The following FAP variants were observed in gnomAD, a reference collection of about 807,000 sequenced individuals.
FAP encodes the protein fibroblast activation protein alpha, also known as prolyl endopeptidase FAP.
A neutral mutation model predicts 126.5 loss-of-function variants in FAP; 110 were observed. That is an observed-to-expected ratio of 0.87 (90% CI 0.74 to 1.02). The LOEUF is 1.02. Ranked by LOEUF, FAP falls within the 50% of genes least tolerant of loss-of-function variation. FAP has a pLI of 0.00. For missense variants in FAP, 919 were observed against 909.2 expected (o/e 1.01, Z -0.14); for synonymous variants, 334 against 297.3 (o/e 1.12, Z -1.27).
intron 2 of FAP, among the ~76,000 whole-genome samples, chr2:162,230,468 T>C (rs1161338489): frequency 6.6e-6 from 1 of 152,064 alleles, no homozygotes; most frequent in African/African-American, 2.4e-5. Context: ...CTCACTATTA[T>C]ACGTTCAGCT....
At chr2:162,222,147 G>A (rs746735314) in intron 6 of FAP, among the ~76,000 whole-genome samples, 5 of 152,092 alleles carry the variant, frequency 3.3e-5, no homozygotes, top group Non-Finnish European at 5.9e-5. Context: ...TCAATTTGGC[G>A]AGCCTCACAA....
At position 162,201,594 on chromosome 2, in the gene FAP, C is replaced by G. The variant is rs367668222; in HGVS notation, c.1224-975G>C. Reference sequence around the variant, plus strand: ...TCCCTGATTGTCTCCCTCTCTAACCCTTGCAGCCAGGTCCAGTTTGTCTCT... The same window carrying G: ...TCCCTGATTGTCTCCCTCTCTAACCGTTGCAGCCAGGTCCAGTTTGTCTCT... On this transcript the variant is annotated intron_variant, in intron 14 of 25. Coordinates refer to ENST00000188790, the MANE Select transcript of FAP (RefSeq NM_004460.5). Among the ~76,000 whole-genome samples the G allele has an allele frequency of 1.6e-4, 25 of 152,244 alleles. No homozygotes were observed. In the East Asian group the frequency reaches 4.8e-3, roughly 29 times the overall value.
At chr2:162,173,115 A>G in intron 24 of FAP, 34 bp downstream of exon 24, 1 of 1,574,954 alleles carries the variant, frequency 6.3e-7, no homozygotes, top group Non-Finnish European at 8.7e-7. Flanking sequence ...CTGGCTCAGT[A>G]TTTTTATGTG....
At chr2:162,172,706 C>G (rs765477132) in intron 25 of FAP, 105 bp downstream of exon 25, 8 of 738,292 alleles carry the variant, frequency 1.1e-5, no homozygotes, top group African/African-American at 1.8e-5. Flanking sequence ...CCTGCAGCCT[C>G]TTTGTCAGAT....
Position 162,201,763 on chromosome 2 carries a change from C to T in FAP, c.1223+1109G>A, listed in dbSNP as rs546278831. Among the ~76,000 whole-genome samples, 29 of 152,226 alleles carry T rather than the reference C, an allele frequency of 1.9e-4. 1 individual carries two copies. Among genetic ancestry groups the T allele is most frequent in the Middle Eastern group, 3.4e-3 (1 of 294 alleles). On this transcript the variant is annotated intron_variant, in intron 14 of 25. Coordinates refer to ENST00000188790, the MANE Select transcript of FAP (RefSeq NM_004460.5). ...CAGGCGCTGTGCTAAGTGCTAAGGA[C>T]GCAAACAAAGAAGGAGGTGCAGTTT...
chr2:162,203,660 T>C (rs989461313), intron 12 of FAP, among the ~76,000 whole-genome samples: 67 of 152,226 alleles, frequency 4.4e-4, no homozygotes, highest in African/African-American at 1.6e-3. Context: ...GCTTCTGGAC[T>C]TGAGAGAAAA....
intron 2 of FAP, among the ~76,000 whole-genome samples, chr2:162,230,916 G>A (rs1376764562): frequency 6.6e-6 from 1 of 152,102 alleles, no homozygotes; most frequent in African/African-American, 2.4e-5. Flanking sequence ...ACAAACTCAC[G>A]GTAGGTGGGT....
intron 25 of FAP, 21 bp from the exon 26 acceptor site, chr2:162,171,101 C>T (rs755407044): frequency 1.9e-6 from 3 of 1,600,426 alleles, no homozygotes; most frequent in South Asian, 1.1e-5. Flanking sequence ...AAGAAAAAAG[C>T]TTGTTTTATT....
In FAP at chr2:162,170,895, A is replaced by T. The variant is rs1687280292; in HGVS notation, c.*84T>A. 3 of 1,013,442 alleles carry T rather than the reference A, an allele frequency of 3.0e-6. No individual in the cohort carries two copies. Among genetic ancestry groups the T allele is most frequent in the Admixed American group, 2.1e-5 (1 of 48,214 alleles). 62.8% of individuals were successfully genotyped at this position (1,013,442 alleles called of 1,614,324 possible). ...TGTTTGTTTATACTAGCATTTTACA[A>T]CATAAAAAATAAAATAAGCAAACTG... On this transcript the variant is annotated 3_prime_UTR_variant, in exon 26 of 26. Transcript: ENST00000188790.
intron 20 of FAP, among the ~76,000 whole-genome samples, chr2:162,186,116 T>C (rs1319120255): frequency 1.3e-5 from 2 of 152,090 alleles, no homozygotes; most frequent in Non-Finnish European, 2.9e-5. Context: ...AGGTGGCTTA[T>C]TTACTTTTAC....
At chr2:162,196,741 G>T (rs1688268635) in intron 16 of FAP, among the ~76,000 whole-genome samples, 1 of 152,076 alleles carries the variant, frequency 6.6e-6, no homozygotes, top group East Asian at 1.9e-4. Context: ...ACATAATGAG[G>T]CTTTACTCTT....
At chr2:162,219,605 C>T (rs965133895) in intron 7 of FAP, among the ~76,000 whole-genome samples, 6 of 152,114 alleles carry the variant, frequency 3.9e-5, no homozygotes, top group South Asian at 2.1e-4. Flanking sequence ...TCTGGCACAA[C>T]GCATTCTGGC....
At chr2:162,228,553 A>G (rs1689757003) in intron 2 of FAP, among the ~76,000 whole-genome samples, 1 of 152,202 alleles carries the variant, frequency 6.6e-6, no homozygotes, top group African/African-American at 2.4e-5. Flanking sequence ...TGGCTGTAAG[A>G]ATAGTGGCTG....
rs181096052 is a variant in FAP at position 162,187,169 on chromosome 2, C to A, written c.1814+1000G>T. On this transcript the variant is annotated intron_variant, in intron 20 of 25. Transcript: ENST00000188790. ...TAAACTCTTCTGCTTTGATTAGAGA[C>A]AAAAATATAGAAAAGTGTTGTCTAG... Among the ~76,000 whole-genome samples the A allele has an allele frequency of 1.7e-3, 251 of 151,960 alleles. 2 individuals carry two copies. Among genetic ancestry groups the A allele is most frequent in the African/African-American group, 5.9e-3 (246 of 41,484 alleles).
intron 12 of FAP, among the ~76,000 whole-genome samples, chr2:162,209,075 C>T (rs1277515328): frequency 6.6e-6 from 1 of 151,934 alleles, no homozygotes; most frequent in Non-Finnish European, 1.5e-5. Context: ...TTCTTCCCAG[C>T]CAATTTGAGT....
chr2:162,184,668 G>T (rs1687803850), intron 20 of FAP, among the ~76,000 whole-genome samples: 2 of 152,110 alleles, frequency 1.3e-5, no homozygotes, highest in South Asian at 4.1e-4. Flanking sequence ...TGTGGATGCT[G>T]CTCATGGTAT....
chr2:162,229,013 C>A (rs1689780133), intron 2 of FAP, among the ~76,000 whole-genome samples: 1 of 151,968 alleles, frequency 6.6e-6, no homozygotes, highest in South Asian at 2.1e-4. Flanking sequence ...ACCAAGATAA[C>A]AATTTTTTTA....
chr2:162,225,694 C>T (rs1689616361), intron 3 of FAP, 117 bp from the exon 4 acceptor site: 9 of 1,011,814 alleles, frequency 8.9e-6, no homozygotes, highest in Non-Finnish European at 1.2e-5. Flanking sequence ...CTGTCCAGTA[C>T]ATATTGCTTT....
intron 7 of FAP, 65 bp downstream of exon 7, chr2:162,219,788 G>A: frequency 8.8e-7 from 1 of 1,136,126 alleles, no homozygotes; most frequent in Admixed American, 1.9e-5. Context: ...ATTTAACAAA[G>A]GCCAAAATCA....
Sources: allele counts gnomAD v4.1 joint callset (sites outside exome capture counted in the v4.1 genomes callset), GRCh38; gene constraint gnomAD v4.1.1; transcripts MANE v1.5; gene names NCBI Gene and HGNC (gene_info 2026-07-23, HGNC 2026-07-21).